Variants in KIF4A observed in about 807,000 individuals in gnomAD.
KIF4A encodes the protein chromosome-associated kinesin KIF4A.
Under a neutral mutation model 105.9 loss-of-function variants are expected in KIF4A, and 7 were observed. The observed-to-expected ratio is 0.07, with a 90% CI of 0.04 to 0.12. The LOEUF is 0.12. Ranked by LOEUF, KIF4A falls within the 10% of genes least tolerant of loss-of-function variation. The probability of loss-of-function intolerance (pLI) is 1.00; values close to 1 mark genes in which losing one functional copy is unlikely to be tolerated. For synonymous variants in KIF4A, 281 were observed against 331.3 expected, an observed-to-expected ratio of 0.85 and a Z score of 1.65; for missense variants, 558 against 929.2, an observed-to-expected ratio of 0.60 and a Z score of 5.19.
intron 22 of KIF4A, among the ~76,000 whole-genome samples, chrX:70,398,875 T>A (rs1381447908): frequency 9.0e-6 from 1 of 111,624 alleles, no homozygotes; most frequent in Admixed American, 9.6e-5. Context: ...TTTGCCTTTT[T>A]TGCTACATTG....
intron 20 of KIF4A, among the ~76,000 whole-genome samples, chrX:70,390,259 C>G (rs2086232950): frequency 9.0e-6 from 1 of 110,932 alleles, no homozygotes; most frequent in Non-Finnish European, 1.9e-5. Context: ...TTCTTCTTTT[C>G]TGTTCTGTGC....
chrX:70,293,930 T>G (rs746515317), intron 3 of KIF4A, among the ~76,000 whole-genome samples: 4 of 112,087 alleles, frequency 3.6e-5, no homozygotes, highest in Non-Finnish European at 7.5e-5. Context: ...TTTATTAAAC[T>G]TTGTGTCTTT....
At chrX:70,290,373 G>GTATCATTAAAAA in intron 1 of KIF4A, 65 bp from the exon 2 acceptor site, 2 of 1,136,955 alleles carry the variant, frequency 1.8e-6, no homozygotes, top group Non-Finnish European at 2.4e-6. Flanking sequence ...AACCGGGGAG[G>GTATCATTAAAAA]ACGCCCTCCC....
At chrX:70,380,267 C>T (rs1195482638) in intron 18 of KIF4A, among the ~76,000 whole-genome samples, 2 of 111,279 alleles carry the variant, frequency 1.8e-5, no homozygotes, top group African/African-American at 6.5e-5. Context: ...AAGACCGTGC[C>T]ACTGCACTCC....
Position 70,341,876 on chromosome X carries a change from G to A in KIF4A, c.1211G>A (p.Arg404His). 2.5e-6 allele frequency: 3 copies of A among 1,211,436 alleles called. No homozygotes were observed. Among genetic ancestry groups the A allele is most frequent in the Middle Eastern group, 4.6e-4 (2 of 4,348 alleles). Residue 404 changes from arginine to histidine, a missense_variant, in exon 11 of 31, where the codon CGT becomes CAT. By Grantham distance (29) the Arg-to-His change is conservative. This residue lies in a region of KIF4A where 469 missense variants were observed against 680.4 expected (regional missense o/e 0.69). Transcript: ENST00000374403. ...SLVEENEKLSRGLSEAAGQTA... is the reference protein window; with the variant it reads ...SLVEENEKLSHGLSEAAGQTA... ...GTAGAGGAGAATGAAAAATTAAGTC[G>A]TGGTCTGAGCGAGGCAGCTGGTCAG...
At position 70,418,043 on chromosome X, in the gene KIF4A, C is replaced by A. The variant is rs775651937; in HGVS notation, c.3372+39C>A. 1.0e-5 allele frequency: 11 copies of A among 1,089,238 alleles called. No individual in the cohort carries two copies. In the African/African-American group the frequency reaches 1.6e-4, roughly 16 times the overall value. 89.8% of individuals were successfully genotyped at this position (1,089,238 alleles called of 1,213,427 possible). The stretch of plus-strand genomic sequence containing the variant: ...TGTTTCCTCTCCCCTTCCCTTCAGA[C>A]CTTCCTCTAGTTTCCACCCTCTTTT... On this transcript the variant is annotated intron_variant, in intron 29 of 30. Coordinates refer to ENST00000374403, the MANE Select transcript of KIF4A (RefSeq NM_012310.5).
chrX:70,349,402 A>G (rs1312996395), intron 13 of KIF4A, among the ~76,000 whole-genome samples: 869 of 54,471 alleles, frequency 0.016, 28 homozygotes, highest in African/African-American at 0.062. Context: ...CCGGGCAGAG[A>G]CACTCCCTAC....
chrX:70,309,197 C>T (rs1226283210), intron 7 of KIF4A, among the ~76,000 whole-genome samples: 3 of 111,993 alleles, frequency 2.7e-5, no homozygotes, highest in Non-Finnish European at 5.6e-5. Flanking sequence ...GCCTCTTTAT[C>T]CACTCTACCT....
chrX:70,360,139 G>A (rs968659719), intron 15 of KIF4A, among the ~76,000 whole-genome samples: 4 of 112,038 alleles, frequency 3.6e-5, no homozygotes, highest in Non-Finnish European at 7.5e-5. Context: ...TGGGGCAGGG[G>A]AGGCCTGGGG....
At chrX:70,290,870 A>G in intron 3 of KIF4A, 65 bp downstream of exon 3, 1 of 772,579 alleles carries the variant, frequency 1.3e-6, no homozygotes, top group Non-Finnish European at 2.0e-6. Flanking sequence ...TGTGCCAAGC[A>G]CTGTGCTTGG....
intron 23 of KIF4A, among the ~76,000 whole-genome samples, chrX:70,403,028 C>T (rs904015713): frequency 2.7e-5 from 3 of 111,730 alleles, no homozygotes; most frequent in Admixed American, 9.5e-5. Flanking sequence ...TTTTTAAAAC[C>T]CCTATGAGAT....
chrX:70,404,798 G>A lies in KIF4A; in HGVS notation c.2874G>A (p.Gln958=), dbSNP rs1264780928. Residue 958 remains glutamine (Q), a synonymous_variant, in exon 25 of 31, where the codon CAG becomes CAA. Coordinates refer to ENST00000374403, the MANE Select transcript of KIF4A (RefSeq NM_012310.5). The stretch of plus-strand genomic sequence containing the variant: ...AATCAGTCAGTGAAAAGGAACAGCA[G>A]CTGCTGAGCACACTGAAGTGTCAGG... ...LEESVSEKEQ[Q]LLSTLKCQDE... 8.3e-7 allele frequency: 1 copy of A among 1,200,816 alleles called. No homozygotes were observed. The highest frequency in any genetic ancestry group is 1.8e-5 in the South Asian group (1 of 55,792).
At chrX:70,308,691 C>A (rs937582374) in intron 7 of KIF4A, among the ~76,000 whole-genome samples, 7 of 112,092 alleles carry the variant, frequency 6.2e-5, no homozygotes, top group African/African-American at 2.3e-4. Context: ...CTCACTGCAA[C>A]CTCCGCCTCC....
intron 13 of KIF4A, among the ~76,000 whole-genome samples, chrX:70,352,293 G>A (rs2086034023): frequency 1.8e-5 from 2 of 111,654 alleles, no homozygotes; most frequent in South Asian, 3.8e-4. Flanking sequence ...TTGGCCTTTT[G>A]GAATGGCTAA....
At chrX:70,348,467 G>C (rs902437184) in intron 13 of KIF4A, among the ~76,000 whole-genome samples, 2 of 111,235 alleles carry the variant, frequency 1.8e-5, no homozygotes, top group African/African-American at 6.5e-5. Flanking sequence ...CGTGAACAAA[G>C]GTCTCTGGCT....
chrX:70,408,827 C>A (rs1285338726), intron 28 of KIF4A, among the ~76,000 whole-genome samples: 2 of 112,262 alleles, frequency 1.8e-5, no homozygotes, highest in African/African-American at 6.5e-5. Context: ...TCAGCATATT[C>A]GTCTCAGGGA....
intron 22 of KIF4A, among the ~76,000 whole-genome samples, chrX:70,402,119 T>G (rs747796998): frequency 9.0e-6 from 1 of 111,703 alleles, no homozygotes; most frequent in Non-Finnish European, 1.9e-5. Flanking sequence ...TGGGTATCAT[T>G]TTGGTACTTG....
intron 10 of KIF4A, among the ~76,000 whole-genome samples, chrX:70,338,585 A>G (rs1167302646): frequency 8.9e-6 from 1 of 112,159 alleles, no homozygotes; most frequent in Non-Finnish European, 1.9e-5. Flanking sequence ...TTTGGCTTTC[A>G]TAAATACTGC....
chrX:70,332,300 A>G (rs1411442396), intron 9 of KIF4A, among the ~76,000 whole-genome samples: 2 of 111,872 alleles, frequency 1.8e-5, no homozygotes, highest in Non-Finnish European at 3.8e-5. Context: ...AAAGAGACTT[A>G]GAAGATCAGT....
Sources: allele counts gnomAD v4.1 joint callset (sites outside exome capture counted in the v4.1 genomes callset), GRCh38; gene constraint gnomAD v4.1.1; regional missense constraint gnomAD v4.1.1; transcripts MANE v1.5; gene names NCBI Gene and HGNC (gene_info 2026-07-23, HGNC 2026-07-21).